LRRC37A2: variants seen among roughly 807,000 people sequenced by gnomAD.
The protein encoded by LRRC37A2 is leucine rich repeat containing 37 member A2, also known as leucine-rich repeat-containing protein 37A2.
LRRC37A2 carries 9 observed loss-of-function variants against 68.8 expected under a neutral mutation model. That is an observed-to-expected ratio of 0.13 (90% CI 0.08 to 0.23). The LOEUF (loss-of-function observed/expected upper bound fraction) is 0.23. Among genes scored for constraint, LRRC37A2 ranks in the 10% least tolerant of loss-of-function variants. The probability of loss-of-function intolerance (pLI) is 1.00; values close to 1 mark genes in which losing one functional copy is unlikely to be tolerated. For synonymous variants in LRRC37A2, 63 were observed against 367.6 expected, an observed-to-expected ratio of 0.17 and a Z score of 9.48; for missense variants, 168 against 950.4, an observed-to-expected ratio of 0.18 and a Z score of 10.82.
the LRRC37A2 span, among the ~76,000 whole-genome samples, chr17:46,880,225 C>A: frequency 6.6e-6 from 1 of 152,200 alleles, no homozygotes; most frequent in Non-Finnish European, 1.5e-5. Context: ...ATAAGCCCAG[C>A]TTTCCTGGTA....
chr17:46,848,870 C>T, the LRRC37A2 span, among the ~76,000 whole-genome samples: 1 of 152,204 alleles, frequency 6.6e-6, no homozygotes, highest in Non-Finnish European at 1.5e-5. Flanking sequence ...ATTGTCCCAG[C>T]CTCCCAGAGG....
chr17:46,934,369 GAAAA>G, the LRRC37A2 span, among the ~76,000 whole-genome samples: 22 of 152,180 alleles, frequency 1.4e-4, no homozygotes, highest in Non-Finnish European at 2.5e-4. Flanking sequence ...AAGAAAGAAA[GAAAA>G]AAGCTGGGCA....
chr17:46,793,177 G>A, the LRRC37A2 span, among the ~76,000 whole-genome samples: 5 of 148,926 alleles, frequency 3.4e-5, no homozygotes, highest in South Asian at 1.1e-3. Context: ...GAGAGGCTGA[G>A]TTGGGAGGAT....
the LRRC37A2 span, among the ~76,000 whole-genome samples, chr17:46,741,922 C>T: frequency 2.0e-5 from 3 of 152,182 alleles, no homozygotes; most frequent in African/African-American, 7.2e-5. Flanking sequence ...TGTGCCACCA[C>T]GCCTGGCTAA....
At chr17:46,863,391 G>A in the LRRC37A2 span, among the ~76,000 whole-genome samples, 3 of 152,230 alleles carry the variant, frequency 2.0e-5, no homozygotes, top group Non-Finnish European at 4.4e-5. Context: ...GACTGGGAAA[G>A]AATGGATCTC....
the LRRC37A2 span, among the ~76,000 whole-genome samples, chr17:47,001,808 G>A: frequency 7.7e-6 from 1 of 129,954 alleles, no homozygotes; most frequent in South Asian, 2.6e-4. Flanking sequence ...TGCAACCTCC[G>A]CCTCCCAGGT....
the LRRC37A2 span, among the ~76,000 whole-genome samples, chr17:46,758,417 G>A: frequency 6.6e-6 from 1 of 152,238 alleles, no homozygotes; most frequent in Non-Finnish European, 1.5e-5. Context: ...AGCCAGTGCT[G>A]TACAGCAGAG....
the LRRC37A2 span, among the ~76,000 whole-genome samples, chr17:46,810,447 G>A: frequency 6.6e-6 from 1 of 152,280 alleles, no homozygotes; most frequent in East Asian, 1.9e-4. Flanking sequence ...CCCTGGCAGA[G>A]GGCACAGAGG....
the LRRC37A2 span, among the ~76,000 whole-genome samples, chr17:46,983,251 A>AC: frequency 6.8e-6 from 1 of 147,690 alleles, no homozygotes; most frequent in Non-Finnish European, 1.5e-5. Context: ...GACCTAGCTA[A>AC]CCACTCCTCC....
the LRRC37A2 span, among the ~76,000 whole-genome samples, chr17:46,784,198 A>C: frequency 6.6e-6 from 1 of 152,184 alleles, no homozygotes; most frequent in Non-Finnish European, 1.5e-5. Flanking sequence ...CATGAGAAAC[A>C]GGAGGAAGGA....
At chr17:46,676,440 C>T in the LRRC37A2 span, among the ~76,000 whole-genome samples, 2 of 137,812 alleles carry the variant, frequency 1.5e-5, 1 homozygote, top group African/African-American at 5.9e-5. Flanking sequence ...CCATGTTGGT[C>T]AGGCTGGTCT....
At chr17:46,830,415 C>G in the LRRC37A2 span, among the ~76,000 whole-genome samples, 1 of 152,110 alleles carries the variant, frequency 6.6e-6, no homozygotes, top group Admixed American at 6.6e-5. Context: ...CCGCACCTGC[C>G]TAACTTTTTA....
the LRRC37A2 span, chr17:46,935,175 G>A: frequency 6.2e-7 from 1 of 1,613,954 alleles, no homozygotes; most frequent in Non-Finnish European, 8.5e-7. Context: ...TGAAGGTGGG[G>A]TCCCTGCTGG....
At chr17:46,678,455 G>A in the LRRC37A2 span, among the ~76,000 whole-genome samples, 2 of 149,074 alleles carry the variant, frequency 1.3e-5, no homozygotes, top group Non-Finnish European at 3.0e-5. Context: ...AAAATAACCA[G>A]AGACAAAGAA....
At chr17:46,983,808 GGT>G in the LRRC37A2 span, among the ~76,000 whole-genome samples, 1 of 152,218 alleles carries the variant, frequency 6.6e-6, no homozygotes. Context: ...TCTGGCTCAA[GGT>G]CTCTCATGAG....
the LRRC37A2 span, among the ~76,000 whole-genome samples, chr17:46,790,044 G>A: frequency 2.0e-4 from 30 of 152,204 alleles, no homozygotes; most frequent in Non-Finnish European, 3.7e-4. Context: ...CCCCACCCAA[G>A]TTCAAAGCGC....
the LRRC37A2 span, chr17:47,007,868 C>G: frequency 6.6e-6 from 1 of 152,122 alleles, no homozygotes; most frequent in Non-Finnish European, 1.5e-5. Context: ...GCTGCAGGTG[C>G]CACCAGTGAG....
the LRRC37A2 span, among the ~76,000 whole-genome samples, chr17:46,610,027 T>C: frequency 5.2e-3 from 574 of 109,434 alleles, 43 homozygotes; most frequent in Middle Eastern, 0.045. Flanking sequence ...CTTTCTTTCT[T>C]TCTCTCTCTC....
chr17:46,766,684 A>G, the LRRC37A2 span, among the ~76,000 whole-genome samples: 2 of 152,244 alleles, frequency 1.3e-5, no homozygotes, highest in South Asian at 2.1e-4. Flanking sequence ...GCTCTTCTCC[A>G]TGACGTCAAG....
Sources: allele counts gnomAD v4.1 joint callset (sites outside exome capture counted in the v4.1 genomes callset), GRCh38; gene constraint gnomAD v4.1.1; transcripts MANE v1.5; gene names NCBI Gene and HGNC (gene_info 2026-07-23, HGNC 2026-07-21).